Variants in ADGRB3 observed in about 807,000 individuals in gnomAD.
ADGRB3 encodes the protein brain-specific angiogenesis inhibitor 3.
In ADGRB3, 37 loss-of-function variants were observed where a neutral mutation model predicts 193.4. The ratio of observed to expected loss-of-function variants is 0.19; its 90% CI spans 0.15 to 0.25. The LOEUF (loss-of-function observed/expected upper bound fraction) is 0.25. Among genes scored for constraint, ADGRB3 ranks in the 10% least tolerant of loss-of-function variants. The pLI is 1.00. For missense variants in ADGRB3, 1,637 were observed against 1,852.9 expected, an observed-to-expected ratio of 0.88 and a Z score of 2.14; for synonymous variants, 690 against 644.2, an observed-to-expected ratio of 1.07 and a Z score of -1.08.
rs933708535 is a variant in ADGRB3 at position 69,020,046 on chromosome 6, C to T, written c.2107+1547C>T. Among the ~76,000 whole-genome samples the T allele has an allele frequency of 2.0e-5, 3 of 151,950 alleles. No individual in the cohort carries two copies. The East Asian group carries it at 5.8e-4, about 29-fold the overall frequency. On this transcript the variant is annotated intron_variant, in intron 13 of 31. Transcript: ENST00000370598. ...GGGATGCTAGTCACCCAAGCCGGAA[C>T]CACTTTCCTAAGGGAAGGAAATGAG...
At chr6:69,356,161 T>C (rs753406750) in intron 28 of ADGRB3, among the ~76,000 whole-genome samples, 2 of 151,990 alleles carry the variant, frequency 1.3e-5, no homozygotes, top group East Asian at 1.9e-4. Flanking sequence ...TTATATACCA[T>C]AGGGAAAGGG....
At chr6:69,050,225 T>C (rs916299606) in intron 15 of ADGRB3, among the ~76,000 whole-genome samples, 1 of 150,478 alleles carries the variant, frequency 6.6e-6, no homozygotes, top group African/African-American at 2.4e-5. Context: ...TCAGTGCAGA[T>C]GAAAAAAAAA....
At chr6:68,858,575 A>G (rs1420617894) in intron 3 of ADGRB3, among the ~76,000 whole-genome samples, 4 of 142,374 alleles carry the variant, frequency 2.8e-5, no homozygotes, top group African/African-American at 8.2e-5. Flanking sequence ...ACTGAGTGAC[A>G]GAGTGAGACC....
chr6:68,638,320 G>C (rs1397891069), intron 2 of ADGRB3, among the ~76,000 whole-genome samples: 1 of 152,168 alleles, frequency 6.6e-6, no homozygotes, highest in Non-Finnish European at 1.5e-5. Context: ...ACATTATGAC[G>C]TTTTAAAACT....
At chr6:69,335,621 T>A (rs915332005) in intron 24 of ADGRB3, among the ~76,000 whole-genome samples, 6 of 152,110 alleles carry the variant, frequency 3.9e-5, no homozygotes, top group African/African-American at 1.4e-4. Context: ...GAGGTTTGAA[T>A]AATTTTAGTT....
chr6:68,717,252 A>G (rs1323444477), intron 3 of ADGRB3, among the ~76,000 whole-genome samples: 5 of 151,884 alleles, frequency 3.3e-5, no homozygotes, highest in African/African-American at 1.2e-4. Flanking sequence ...AAAGGTTCTT[A>G]TAGCAATATA....
At chr6:69,352,623 G>A (rs912355891) in intron 26 of ADGRB3, among the ~76,000 whole-genome samples, 5 of 152,136 alleles carry the variant, frequency 3.3e-5, no homozygotes, top group Admixed American at 2.6e-4. Flanking sequence ...TCTCATTATT[G>A]GGCCAGTTGG....
chr6:69,116,510 G>A (rs945547103), intron 17 of ADGRB3, among the ~76,000 whole-genome samples: 4 of 152,126 alleles, frequency 2.6e-5, no homozygotes, highest in African/African-American at 7.2e-5. Flanking sequence ...GGGATTTAAA[G>A]TTGTGTGAAA....
chr6:68,661,675 A>G (rs1030501910), intron 3 of ADGRB3, among the ~76,000 whole-genome samples: 4 of 150,342 alleles, frequency 2.7e-5, no homozygotes, highest in Admixed American at 6.7e-5. Flanking sequence ...ATAAATAAAT[A>G]CAGGCTAGGC....
intron 3 of ADGRB3, among the ~76,000 whole-genome samples, chr6:68,651,883 A>C (rs1330185120): frequency 6.6e-6 from 1 of 152,068 alleles, no homozygotes; most frequent in East Asian, 1.9e-4. Context: ...CAAGAAATTA[A>C]TGTTTTAAAC....
chr6:68,838,748 T>C (rs1768092457), intron 3 of ADGRB3, among the ~76,000 whole-genome samples: 1 of 152,224 alleles, frequency 6.6e-6, no homozygotes, highest in Non-Finnish European at 1.5e-5. Flanking sequence ...TATGCTGATA[T>C]GCAAAGTGGA....
intron 13 of ADGRB3, among the ~76,000 whole-genome samples, chr6:69,030,664 G>A (rs976195468): frequency 6.6e-6 from 1 of 152,162 alleles, no homozygotes; most frequent in Non-Finnish European, 1.5e-5. Flanking sequence ...AATACCTAAT[G>A]TAGATGATGG....
chr6:69,108,739 T>C (rs186929619), intron 17 of ADGRB3, among the ~76,000 whole-genome samples: 1 of 152,142 alleles, frequency 6.6e-6, no homozygotes, highest in Admixed American at 6.5e-5. Context: ...CAGGAAAAGA[T>C]TTGGAAAAAT....
At chr6:69,286,436 A>G (rs1299818668) in intron 20 of ADGRB3, among the ~76,000 whole-genome samples, 1 of 152,142 alleles carries the variant, frequency 6.6e-6, no homozygotes, top group Non-Finnish European at 1.5e-5. Flanking sequence ...GAGAACCCCA[A>G]CTTAGAAAGA....
chr6:68,808,805 G>A (rs1016893956), intron 3 of ADGRB3, among the ~76,000 whole-genome samples: 1 of 152,014 alleles, frequency 6.6e-6, no homozygotes, highest in South Asian at 2.1e-4. Flanking sequence ...GTGAATGAAG[G>A]CCTTTGCATA....
rs139429461 is a variant in ADGRB3, at chr6:68,902,995, T to C, written c.758-27564T>C. 2.6e-3 allele frequency among the ~76,000 whole-genome samples: 395 copies of C among 152,306 alleles called. 2 individuals carry two copies. Among genetic ancestry groups the C allele is most frequent in the African/African-American group, 8.9e-3 (369 of 41,570 alleles). ...ACCTGTTTTTGTATGTATGAATTGA[T>C]TACAGGCATAGACTATTTAAAATGA... On this transcript the variant is annotated intron_variant, in intron 3 of 31. Coordinates refer to ENST00000370598, the MANE Select transcript of ADGRB3 (RefSeq NM_001704.3).
intron 17 of ADGRB3, among the ~76,000 whole-genome samples, chr6:69,149,859 G>A (rs1159089370): frequency 6.6e-6 from 1 of 150,782 alleles, no homozygotes. Context: ...TATTCTCTTC[G>A]CTCTCTTCCC....
intron 20 of ADGRB3, among the ~76,000 whole-genome samples, chr6:69,278,083 A>G (rs1028028817): frequency 3.3e-5 from 5 of 152,200 alleles, no homozygotes; most frequent in Admixed American, 1.3e-4. Flanking sequence ...ATTCTTTCTG[A>G]ACATGCCTTT....
intron 3 of ADGRB3, among the ~76,000 whole-genome samples, chr6:68,656,229 T>C (rs545112695): frequency 6.6e-6 from 1 of 151,738 alleles, no homozygotes; most frequent in South Asian, 2.1e-4. Context: ...CTTTTAGATA[T>C]TACAAACAAG....
Sources: gnomAD v4.1 joint callset for allele counts (sites outside exome capture counted in the v4.1 genomes callset) on GRCh38, gnomAD v4.1.1 for gene constraint, MANE v1.5 for transcripts, NCBI Gene and HGNC (gene_info 2026-07-23, HGNC 2026-07-21) for gene names.